Variants in RAD51C observed in about 807,000 individuals in gnomAD.
RAD51C encodes the protein DNA repair protein RAD51 homolog 3.
Under a neutral mutation model 45.0 loss-of-function variants are expected in RAD51C, and 42 were observed. The ratio of observed to expected loss-of-function variants is 0.93; its 90% CI spans 0.73 to 1.21. RAD51C has a LOEUF of 1.21. Ranked by LOEUF, RAD51C falls within the 50% of genes most tolerant of loss-of-function variation. The pLI, the probability that RAD51C is intolerant of heterozygous loss-of-function variation, is 0.00. For missense variants in RAD51C, 474 were observed against 452.2 expected, an observed-to-expected ratio of 1.05 and a Z score of -0.44; for synonymous variants, 172 against 159.8, an observed-to-expected ratio of 1.08 and a Z score of -0.58.
At chr17:58,712,940 T>C (rs1447464323) in intron 5 of RAD51C, among the ~76,000 whole-genome samples, 4 of 152,174 alleles carry the variant, frequency 2.6e-5, no homozygotes, top group Admixed American at 6.6e-5. Context: ...CTGGGAAATA[T>C]AGTGAGACTT....
chr17:58,722,734 T>C (rs1224999060), intron 6 of RAD51C, among the ~76,000 whole-genome samples: 1 of 152,148 alleles, frequency 6.6e-6, no homozygotes, highest in Non-Finnish European at 1.5e-5. Context: ...TGAATTTGCT[T>C]TGATTGGAAT....
At chr17:58,706,639 C>G in intron 4 of RAD51C, 1 of 364,390 alleles carries the variant, frequency 2.7e-6, no homozygotes, top group Non-Finnish European at 5.8e-6. Flanking sequence ...GATCTGTGAT[C>G]CCCTTTGGCA....
At chr17:58,722,624 T>C (rs1286136060) in intron 6 of RAD51C, among the ~76,000 whole-genome samples, 1 of 152,218 alleles carries the variant, frequency 6.6e-6, no homozygotes, top group Non-Finnish European at 1.5e-5. Context: ...TCATTTTACA[T>C]TACTATCAGT....
At chr17:58,696,022 A>G (rs2047990827) in intron 2 of RAD51C, among the ~76,000 whole-genome samples, 1 of 151,760 alleles carries the variant, frequency 6.6e-6, no homozygotes, top group Non-Finnish European at 1.5e-5. Context: ...AGCCGAGATC[A>G]TGCCACTGCA....
At chr17:58,734,077 G>A in intron 8 of RAD51C, 41 bp from the exon 9 acceptor site, 5 of 1,578,858 alleles carry the variant, frequency 3.2e-6, no homozygotes, top group Non-Finnish European at 4.3e-6. Flanking sequence ...GTCTTCAAAT[G>A]TTCTTAAAGC....
At position 58,735,052 on chromosome 17, in the gene RAD51C, C is replaced by T. The variant is rs2049588138; in HGVS notation, c.*830C>T. On this transcript the variant is annotated 3_prime_UTR_variant, in exon 9 of 9. Coordinates refer to ENST00000337432, the MANE Select transcript of RAD51C (RefSeq NM_058216.3). ...CCAAACTGATTTTAGTGACCTCAAT[C>T]CTAAAATCTAAGCCATTTGTTTAGC... The T allele has an allele frequency of 6.6e-6, 1 of 152,094 alleles. No homozygotes were observed. The highest frequency in any genetic ancestry group is 2.4e-5 in the African/African-American group (1 of 41,410). 9.4% of individuals were successfully genotyped at this position (152,094 alleles called of 1,614,324 possible). A position where few individuals can be genotyped will look rare whatever the true frequency, so the allele number is the denominator to read the frequency against.
At chr17:58,692,909 T>C (rs888522190) in intron 1 of RAD51C, 121 bp downstream of exon 1, 139 of 1,448,624 alleles carry the variant, frequency 9.6e-5, no homozygotes, top group Non-Finnish European at 1.2e-4. Context: ...CCCACGTCCA[T>C]GTTTACAGCG....
At chr17:58,696,456 A>G (rs2048010783) in intron 2 of RAD51C, among the ~76,000 whole-genome samples, 1 of 151,922 alleles carries the variant, frequency 6.6e-6, no homozygotes, top group Non-Finnish European at 1.5e-5. Flanking sequence ...AATAAAATAA[A>G]ATATCCTTAA....
chr17:58,693,954 G>A (rs1417888617), intron 1 of RAD51C: 1 of 152,116 alleles, frequency 6.6e-6, no homozygotes, highest in East Asian at 1.9e-4. Flanking sequence ...ATCAGATCAA[G>A]CACTGATATA....
chr17:58,721,494 T>G (rs768183537), intron 6 of RAD51C, among the ~76,000 whole-genome samples: 5 of 152,130 alleles, frequency 3.3e-5, no homozygotes, highest in Non-Finnish European at 5.9e-5. Flanking sequence ...GTACAGTGGC[T>G]TATGCCTGTA....
At chr17:58,696,909 G>A (rs752100652) in intron 3 of RAD51C, 50 bp downstream of exon 3, 2 of 1,595,022 alleles carry the variant, frequency 1.3e-6, no homozygotes, top group Admixed American at 1.7e-5. Flanking sequence ...AAAGTAATTT[G>A]CATTTGTGCC....
intron 7 of RAD51C, 119 bp from the exon 8 acceptor site, chr17:58,732,361 TAGAG>T: frequency 1.3e-6 from 1 of 798,384 alleles, no homozygotes; most frequent in South Asian, 1.7e-5. Context: ...TTTGTGTTCT[TAGAG>T]AAAAAATAGA....
intron 4 of RAD51C, among the ~76,000 whole-genome samples, chr17:58,703,801 A>G (rs2048289647): frequency 6.6e-6 from 1 of 151,980 alleles, no homozygotes; most frequent in Non-Finnish European, 1.5e-5. Flanking sequence ...CCCACCAAAA[A>G]AAAAATTAGC....
intron 4 of RAD51C, among the ~76,000 whole-genome samples, chr17:58,705,261 G>C (rs1359385306): frequency 6.6e-6 from 1 of 151,862 alleles, no homozygotes; most frequent in African/African-American, 2.4e-5. Context: ...CTGGCTTGCA[G>C]ACAGCCATCT....
chr17:58,726,237 G>T (rs17175543), intron 7 of RAD51C, among the ~76,000 whole-genome samples: 22,342 of 151,250 alleles, frequency 0.15, 2,046 homozygotes, highest in Non-Finnish European at 0.21. Flanking sequence ...ATAATTATTT[G>T]CAGAATGTAT....
At chr17:58,725,160 C>A (rs1392060078) in intron 7 of RAD51C, among the ~76,000 whole-genome samples, 1 of 151,972 alleles carries the variant, frequency 6.6e-6, no homozygotes, top group Non-Finnish European at 1.5e-5. Flanking sequence ...TGACTGTCGC[C>A]CCCTAATTTA....
At chr17:58,725,995 C>T (rs543917201) in intron 7 of RAD51C, among the ~76,000 whole-genome samples, 113 of 140,532 alleles carry the variant, frequency 8.0e-4, no homozygotes, top group African/African-American at 2.8e-3. Flanking sequence ...CATCCACCCC[C>T]TGCAAAAAAA....
chr17:58,697,896 CAG>C (rs995989683), intron 3 of RAD51C, among the ~76,000 whole-genome samples: 1 of 151,160 alleles, frequency 6.6e-6, no homozygotes, highest in Non-Finnish European at 1.5e-5. Flanking sequence ...ATTTTTAGTA[CAG>C]ACAGGGTTTC....
At chr17:58,697,006 A>G in intron 3 of RAD51C, 147 bp downstream of exon 3, 1 of 1,012,196 alleles carries the variant, frequency 9.9e-7, no homozygotes, top group Non-Finnish European at 1.5e-6. Context: ...TACTACTGTT[A>G]CAAAATGAGA....
Sources: allele counts gnomAD v4.1 joint callset (sites outside exome capture counted in the v4.1 genomes callset), GRCh38; gene constraint gnomAD v4.1.1; transcripts MANE v1.5; gene names NCBI Gene and HGNC (gene_info 2026-07-23, HGNC 2026-07-21).